Variants in NUAK1 observed in about 807,000 individuals in gnomAD.
NUAK1 encodes the protein NUAK family kinase 1.
In NUAK1, 26 loss-of-function variants were observed where a neutral mutation model predicts 56.9. The observed-to-expected ratio is 0.46, with a 90% CI of 0.33 to 0.63. The LOEUF (loss-of-function observed/expected upper bound fraction) is 0.63. Among genes scored for constraint, NUAK1 ranks in the 30% least tolerant of loss-of-function variants. NUAK1 has a pLI of 0.02. For synonymous variants in NUAK1, 337 were observed against 336.0 expected (o/e 1.00, Z -0.03); for missense variants, 727 against 876.1 (o/e 0.83, Z 2.15).
intron 5 of NUAK1, among the ~76,000 whole-genome samples, chr12:106,071,284 C>T (rs2032404752): frequency 6.6e-6 from 1 of 152,220 alleles, no homozygotes; most frequent in Non-Finnish European, 1.5e-5. Context: ...AGGCCCTGCC[C>T]CAGTGACGGA....
intron 2 of NUAK1, among the ~76,000 whole-genome samples, chr12:106,087,400 G>A (rs1275837254): frequency 6.6e-6 from 1 of 152,096 alleles, no homozygotes; most frequent in Non-Finnish European, 1.5e-5. Flanking sequence ...GATCCCATGG[G>A]CCCCTCTCAG....
intron 2 of NUAK1, among the ~76,000 whole-genome samples, chr12:106,100,294 C>T (rs1205442928): frequency 6.6e-6 from 1 of 151,912 alleles, no homozygotes; most frequent in Non-Finnish European, 1.5e-5. Flanking sequence ...TAGCCCTCTC[C>T]ACCTCCTTCT....
chr12:106,069,561 G>T (rs112822791), intron 6 of NUAK1, among the ~76,000 whole-genome samples: 7 of 152,170 alleles, frequency 4.6e-5, no homozygotes, highest in African/African-American at 1.7e-4. Context: ...TGATGTTAAT[G>T]AATTAATAAT....
intron 4 of NUAK1, among the ~76,000 whole-genome samples, chr12:106,080,942 G>A (rs891119911): frequency 6.6e-6 from 1 of 152,224 alleles, no homozygotes; most frequent in African/African-American, 2.4e-5. Context: ...TTGCCAGCAT[G>A]GGTCCTTTCT....
intron 4 of NUAK1, among the ~76,000 whole-genome samples, chr12:106,074,232 T>C (rs1456419791): frequency 6.6e-6 from 1 of 152,114 alleles, no homozygotes; most frequent in African/African-American, 2.4e-5. Flanking sequence ...ATAATTAATA[T>C]ATAATGCAAA....
At chr12:106,108,133 T>C (rs975430294) in intron 1 of NUAK1, among the ~76,000 whole-genome samples, 5 of 151,878 alleles carry the variant, frequency 3.3e-5, no homozygotes, top group African/African-American at 1.2e-4. Context: ...CTGTTATTAA[T>C]TGATGCAAGC....
At chr12:106,120,249 G>A (rs1373260244) in intron 1 of NUAK1, among the ~76,000 whole-genome samples, 1 of 152,080 alleles carries the variant, frequency 6.6e-6, no homozygotes, top group African/African-American at 2.4e-5. Context: ...CAGCACCACT[G>A]CAACTGGCCC....
intron 2 of NUAK1, among the ~76,000 whole-genome samples, chr12:106,098,758 A>G (rs950662704): frequency 2.0e-5 from 3 of 152,084 alleles, no homozygotes; most frequent in African/African-American, 7.2e-5. Context: ...GGTTTTGCAG[A>G]TCGGGTCTCC....
chr12:106,131,781 T>C (rs2033081403), intron 1 of NUAK1, among the ~76,000 whole-genome samples: 1 of 152,130 alleles, frequency 6.6e-6, no homozygotes, highest in Non-Finnish European at 1.5e-5. Context: ...TCACATGCAG[T>C]TAAAAGTTTA....
chr12:106,067,293 T>C lies in NUAK1; in HGVS notation c.1495A>G (p.Ser499Gly). 6.2e-7 allele frequency: 1 copy of C among 1,614,134 alleles called. No homozygotes were observed. Among genetic ancestry groups the C allele is most frequent in the Non-Finnish European group, 8.5e-7 (1 of 1,180,002 alleles). Residue 499 changes from serine (S) to glycine (G), a missense_variant, in exon 7 of 7, where the codon AGC (serine) becomes GGC (glycine). Transcript: ENST00000261402. The surrounding 1 kb of genome is among the most constrained non-coding windows in gnomAD (Gnocchi z 6.0). ...ELLDSNDVMGSSIPSPSPPDP... is the reference protein window; with the variant it reads ...ELLDSNDVMGGSIPSPSPPDP... ...GGGGGGCTGGGGGAGGGGATGCTGC[T>C]GCCCATCACATCATTACTGTCCAAC...
intron 2 of NUAK1, among the ~76,000 whole-genome samples, chr12:106,100,410 G>T (rs1379589521): frequency 6.6e-6 from 1 of 152,034 alleles, no homozygotes; most frequent in Non-Finnish European, 1.5e-5. Flanking sequence ...TGTTCCCTTT[G>T]TATGGCATTC....
At chr12:106,093,547 C>T (rs1008498145) in intron 2 of NUAK1, among the ~76,000 whole-genome samples, 3 of 152,190 alleles carry the variant, frequency 2.0e-5, no homozygotes, top group African/African-American at 7.2e-5. Flanking sequence ...ACTTGTAGAA[C>T]TTGAGAAAAT....
rs1191729454 is a variant in NUAK1 at position 106,065,626 on chromosome 12, T to C, written c.*1176A>G. On this transcript the variant is annotated 3_prime_UTR_variant, in exon 7 of 7. Transcript: ENST00000261402. ...CTAACTCCCTAGAAGCAAACTTGCC[T>C]ACCTCTGAGGATGCTACACTCAGTG... is the stretch of plus-strand genomic sequence containing the variant. 6.6e-6 allele frequency: 1 copy of C among 152,494 alleles called. No homozygotes were observed. The highest frequency in any genetic ancestry group is 1.5e-5 in the Non-Finnish European group (1 of 68,048). 9.4% of individuals were successfully genotyped at this position (152,494 alleles called of 1,614,324 possible). A position where few individuals can be genotyped will look rare whatever the true frequency, so the allele number is the denominator to read the frequency against.
At chr12:106,084,001 G>C in intron 3 of NUAK1, 72 bp from the exon 4 acceptor site, 1 of 1,295,426 alleles carries the variant, frequency 7.7e-7, no homozygotes. Context: ...AGAGGAAGGA[G>C]GAGGGTGAGC....
chr12:106,104,957 C>CTT (rs201749100), intron 2 of NUAK1, among the ~76,000 whole-genome samples: 7 of 141,420 alleles, frequency 4.9e-5, no homozygotes, highest in East Asian at 2.1e-4. Flanking sequence ...GTTCATTTTT[C>CTT]TTTTTTTTTT....
At chr12:106,089,738 G>A (rs555845562) in intron 2 of NUAK1, among the ~76,000 whole-genome samples, 38 of 151,816 alleles carry the variant, frequency 2.5e-4, no homozygotes, top group African/African-American at 8.9e-4. Flanking sequence ...GCAGTGAGCC[G>A]AGATCACACC....
At chr12:106,082,822 T>C (rs893250750) in intron 4 of NUAK1, among the ~76,000 whole-genome samples, 64 of 152,048 alleles carry the variant, frequency 4.2e-4, no homozygotes, top group Non-Finnish European at 7.1e-4. Context: ...ACAAGTCTCA[T>C]CACACGCTCC....
rs763058439 is a variant in NUAK1 at position 106,086,807 on chromosome 12, C to T, written c.440G>A (p.Arg147Gln). The T allele has an allele frequency of 4.3e-6, 7 of 1,614,152 alleles. No homozygotes were observed. Among genetic ancestry groups the T allele is most frequent in the Admixed American group, 3.3e-5 (2 of 60,022 alleles). The change falls in exon 3 of 7, where the codon CGG becomes CAG. Residue 147 changes from arginine to glutamine, a missense_variant. Coordinates refer to ENST00000261402, the MANE Select transcript of NUAK1 (RefSeq NM_014840.3). Reference protein sequence around the residue: ...KGELYDYISERRRLSERETRH... With the variant: ...KGELYDYISEQRRLSERETRH... ...GGTCTCCCTCTCACTGAGGCGTCGC[C>T]GCTCACTGATGTAATCGTACAGCTC...
intron 3 of NUAK1, among the ~76,000 whole-genome samples, chr12:106,085,328 C>A (rs555704769): frequency 6.6e-6 from 1 of 152,314 alleles, no homozygotes; most frequent in Admixed American, 6.5e-5. Context: ...AAATCATGAG[C>A]ACATTTTGAG....
Sources: allele counts gnomAD v4.1 joint callset (sites outside exome capture counted in the v4.1 genomes callset), GRCh38; gene constraint gnomAD v4.1.1; non-coding constraint Gnocchi (gnomAD v3.1); transcripts MANE v1.5; gene names NCBI Gene and HGNC (gene_info 2026-07-23, HGNC 2026-07-21).